The following GARRE1 variants were observed in gnomAD, a reference collection of about 807,000 sequenced individuals.
The protein encoded by GARRE1 is granule associated Rac and RHOG effector protein 1.
GARRE1 carries 49 observed loss-of-function variants against 103.2 expected under a neutral mutation model. That is an observed-to-expected ratio of 0.47 (90% confidence interval 0.38 to 0.60). The LOEUF (loss-of-function observed/expected upper bound fraction) is 0.60, where lower values mean the gene tolerates loss of function less well. Among genes scored for constraint, GARRE1 ranks in the 20% least tolerant of loss-of-function variants. The pLI is 0.00. For synonymous variants in GARRE1, 505 were observed against 532.8 expected, an observed-to-expected ratio of 0.95 and a Z score of 0.72; for missense variants, 1,199 against 1,370.5, an observed-to-expected ratio of 0.87 and a Z score of 1.98.
At position 34,352,636 on chromosome 19, in the gene GARRE1, T is replaced by C. The variant is rs1399062838; in HGVS notation, c.2905-11T>C. The C allele has an allele frequency of 1.9e-6, 3 of 1,603,122 alleles. No individual in the cohort carries two copies. In the South Asian group the frequency reaches 3.3e-5, roughly 18 times the overall value. ...CCGAAATGCCACTAAGAACTCTCTT[T>C]TGTTTCTCAGGATAACAAAACCAAA... On this transcript the variant is annotated splice_polypyrimidine_tract_variant and intron_variant, in intron 13 of 13. Coordinates refer to ENST00000299505, the MANE Select transcript of GARRE1 (RefSeq NM_014686.5).
At chr19:34,290,355 CAAAAA>C (rs965622685) in intron 1 of GARRE1, among the ~76,000 whole-genome samples, 32 of 145,090 alleles carry the variant, frequency 2.2e-4, no homozygotes, top group African/African-American at 7.3e-4. Context: ...GACCCTGTCT[CAAAAA>C]AAAAAGAAGA....
chr19:34,302,993 C>T (rs781304365), intron 2 of GARRE1, among the ~76,000 whole-genome samples: 66 of 152,082 alleles, frequency 4.3e-4, no homozygotes, highest in Non-Finnish European at 9.0e-4. Context: ...AATCCACCCA[C>T]CTCATCCTTC....
At chr19:34,255,985 G>C (rs912977540) in intron 1 of GARRE1, among the ~76,000 whole-genome samples, 1 of 151,594 alleles carries the variant, frequency 6.6e-6, no homozygotes, top group African/African-American at 2.4e-5. Context: ...GAGATTACAG[G>C]CACCCACCAC....
At chr19:34,329,314 A>G (rs1378284357) in intron 6 of GARRE1, among the ~76,000 whole-genome samples, 2 of 152,262 alleles carry the variant, frequency 1.3e-5, no homozygotes, top group Non-Finnish European at 2.9e-5. Context: ...TACTTGTATC[A>G]GATGATTTTG....
At chr19:34,305,735 G>T (rs1358918820) in intron 2 of GARRE1, among the ~76,000 whole-genome samples, 1 of 152,214 alleles carries the variant, frequency 6.6e-6, no homozygotes, top group African/African-American at 2.4e-5. Context: ...GCTTTCCTGG[G>T]ACTGGCATTG....
At chr19:34,328,187 A>G in intron 6 of GARRE1, 36 bp downstream of exon 6, 2 of 1,603,138 alleles carry the variant, frequency 1.2e-6, no homozygotes, top group Non-Finnish European at 1.7e-6. Context: ...ATGAGTGTGA[A>G]CTTGAAAATA....
At chr19:34,275,419 C>G (rs1408837137) in intron 1 of GARRE1, among the ~76,000 whole-genome samples, 1 of 151,998 alleles carries the variant, frequency 6.6e-6, no homozygotes, top group Admixed American at 6.6e-5. Context: ...ACCCCCACCC[C>G]CAGCCTTAGG....
chr19:34,256,338 C>T (rs2073672733), intron 1 of GARRE1, among the ~76,000 whole-genome samples: 1 of 151,118 alleles, frequency 6.6e-6, no homozygotes, highest in Admixed American at 6.6e-5. Flanking sequence ...GTGGTGAAAC[C>T]CGGATTCAAC....
intron 1 of GARRE1, among the ~76,000 whole-genome samples, chr19:34,256,815 C>T (rs910120435): frequency 2.0e-5 from 3 of 152,060 alleles, no homozygotes; most frequent in African/African-American, 4.8e-5. Flanking sequence ...TTCACAGTAT[C>T]TTCACAATAT....
chr19:34,322,130 A>AG (rs1452698551), intron 3 of GARRE1, among the ~76,000 whole-genome samples: 1 of 152,218 alleles, frequency 6.6e-6, no homozygotes, highest in Non-Finnish European at 1.5e-5. Flanking sequence ...AATCAAAAAC[A>AG]GCTCTGAAAA....
At chr19:34,296,481 C>G in intron 1 of GARRE1, 1 of 1,594,744 alleles carries the variant, frequency 6.3e-7, no homozygotes, top group Non-Finnish European at 8.5e-7. Flanking sequence ...GTGGCTGACA[C>G]CCTTTGGGAT....
chr19:34,338,352 A>G (rs963730135), intron 8 of GARRE1, among the ~76,000 whole-genome samples: 12 of 152,198 alleles, frequency 7.9e-5, no homozygotes, highest in African/African-American at 2.9e-4. Flanking sequence ...CCTGGGCAAC[A>G]TAGCGAGACC....
intron 11 of GARRE1, 45 bp from the exon 12 acceptor site, chr19:34,348,971 G>A (rs1352653937): frequency 6.2e-7 from 1 of 1,602,006 alleles, no homozygotes; most frequent in Non-Finnish European, 8.5e-7. Flanking sequence ...GGCGGGTGGT[G>A]GGGCTGCAGG....
At chr19:34,259,568 C>G (rs1276632564) in intron 1 of GARRE1, among the ~76,000 whole-genome samples, 2 of 152,170 alleles carry the variant, frequency 1.3e-5, no homozygotes, top group Non-Finnish European at 2.9e-5. Flanking sequence ...CACCAAGTAA[C>G]CTCTCCCAGG....
intron 1 of GARRE1, among the ~76,000 whole-genome samples, chr19:34,258,842 A>C (rs1248297357): frequency 1.3e-5 from 2 of 151,832 alleles, no homozygotes; most frequent in Non-Finnish European, 2.9e-5. Flanking sequence ...AGGTGAGAGG[A>C]TTACATGCTC....
Position 34,334,623 on chromosome 19 carries a change from C to G in GARRE1, c.1361+822C>G, listed in dbSNP as rs569805550. ...CTGAGGCACAAGAATTGCTTGAACC[C>G]AGGAGGCGGAGGTTGCAGAGAGCTG... On this transcript the variant is annotated intron_variant, in intron 8 of 13. Transcript: ENST00000299505. Among the ~76,000 whole-genome samples, 7 of 149,722 alleles carry G rather than the reference C, an allele frequency of 4.7e-5. No homozygotes were observed. The South Asian group carries it at 1.3e-3, about 27-fold the overall frequency.
chr19:34,334,389 A>T (rs2074151175), intron 8 of GARRE1, among the ~76,000 whole-genome samples: 1 of 152,162 alleles, frequency 6.6e-6, no homozygotes, highest in Non-Finnish European at 1.5e-5. Context: ...AAGACATATG[A>T]TCAACAAATA....
intron 1 of GARRE1, among the ~76,000 whole-genome samples, chr19:34,284,282 G>A (rs1311151583): frequency 5.9e-5 from 9 of 151,734 alleles, no homozygotes; most frequent in African/African-American, 2.4e-5. Flanking sequence ...GTGCTACCAC[G>A]CTCGGCTAAT....
chr19:34,267,466 A>G (rs1296677088), intron 1 of GARRE1, among the ~76,000 whole-genome samples: 1 of 151,906 alleles, frequency 6.6e-6, no homozygotes, highest in Non-Finnish European at 1.5e-5. Flanking sequence ...TTGGCCTCCC[A>G]AAGTGCTGGG....
Sources: allele counts gnomAD v4.1 joint callset (sites outside exome capture counted in the v4.1 genomes callset), GRCh38; gene constraint gnomAD v4.1.1; transcripts MANE v1.5; gene names NCBI Gene and HGNC (gene_info 2026-07-23, HGNC 2026-07-21).